Variants in COL21A1 observed in about 807,000 individuals in gnomAD.
COL21A1 encodes collagen type XXI alpha 1 chain.
COL21A1 carries 149 observed loss-of-function variants against 137.9 expected under a neutral mutation model. The ratio of observed to expected loss-of-function variants is 1.08; its 90% CI spans 0.95 to 1.24. COL21A1 has a LOEUF of 1.24. Among genes scored for constraint, COL21A1 ranks in the 50% most tolerant of loss-of-function variants. The pLI, the probability that COL21A1 is intolerant of heterozygous loss-of-function variation, is 0.00. For missense variants in COL21A1, 1,167 were observed against 1,158.4 expected, an observed-to-expected ratio of 1.01 and a Z score of -0.11; for synonymous variants, 456 against 391.5, an observed-to-expected ratio of 1.16 and a Z score of -1.95.
At chr6:56,100,677 C>T (rs1035436274) in intron 17 of COL21A1, among the ~76,000 whole-genome samples, 1 of 152,036 alleles carries the variant, frequency 6.6e-6, no homozygotes, top group African/African-American at 2.4e-5. Flanking sequence ...GAACTTGGCC[C>T]AGTACATAAT....
chr6:56,090,110 G>A (rs1470335520), intron 17 of COL21A1, among the ~76,000 whole-genome samples: 6 of 152,052 alleles, frequency 3.9e-5, no homozygotes, highest in Non-Finnish European at 1.5e-5. Flanking sequence ...ATGGTGGCAC[G>A]CGCCTGTAGT....
At chr6:56,080,442 A>G (rs1235625146) in intron 17 of COL21A1, among the ~76,000 whole-genome samples, 3 of 151,808 alleles carry the variant, frequency 2.0e-5, no homozygotes, top group Admixed American at 1.3e-4. Flanking sequence ...TGTACAACAA[A>G]CAAGTTGTTA....
In COL21A1 at chr6:56,320,856, A is replaced by G. The variant is rs200802166; in HGVS notation, c.-39+73115T>C. The stretch of plus-strand genomic sequence containing the variant: ...AAAGCAATTACATCTTCATCTCACT[A>G]TATACTTTTGATTTTTTTTATGACC... On this transcript the variant is annotated intron_variant, in intron 1 of 28. Transcript: ENST00000370819. Among the ~76,000 whole-genome samples the G allele has an allele frequency of 9.2e-5, 14 of 152,140 alleles. No individual in the cohort carries two copies. In the East Asian group the frequency reaches 2.3e-3, roughly 25 times the overall value.
chr6:56,196,994 T>C (rs1024419202), intron 1 of COL21A1, among the ~76,000 whole-genome samples: 1 of 152,032 alleles, frequency 6.6e-6, no homozygotes, highest in African/African-American at 2.4e-5. Context: ...TATAAAGCTA[T>C]AGTAATTAAA....
chr6:56,297,390 G>C (rs1764188038), intron 1 of COL21A1, among the ~76,000 whole-genome samples: 1 of 152,006 alleles, frequency 6.6e-6, no homozygotes, highest in Non-Finnish European at 1.5e-5. Flanking sequence ...TGAAACTTGA[G>C]GTTACTTGTC....
At chr6:56,241,831 G>A (rs1782345312) in intron 1 of COL21A1, among the ~76,000 whole-genome samples, 1 of 152,114 alleles carries the variant, frequency 6.6e-6, no homozygotes, top group African/African-American at 2.4e-5. Context: ...ATTTAAATTA[G>A]AAGCATTTTG....
chr6:56,182,512 C>A lies in COL21A1; in HGVS notation c.88+19G>T. On this transcript the variant is annotated intron_variant, in intron 2 of 29. Transcript: ENST00000244728. ...TTAATTTGTTGATAACAAAAAAGGA[C>A]AATGCTGATAGTTCTTACTTGATCT... 1 of 1,509,004 alleles carries A rather than the reference C, an allele frequency of 6.6e-7. No individual in the cohort carries two copies. Among genetic ancestry groups the A allele is most frequent in the Non-Finnish European group, 9.1e-7 (1 of 1,096,662 alleles). The allele number at this position is 1,509,004 out of a possible 1,614,324, so 93.5% of individuals were successfully genotyped here.
intron 17 of COL21A1, among the ~76,000 whole-genome samples, chr6:56,097,551 T>A (rs1769454016): frequency 6.6e-6 from 1 of 150,834 alleles, no homozygotes; most frequent in South Asian, 2.1e-4. Flanking sequence ...AAGAAGGAAA[T>A]GGTTAAAATC....
chr6:56,344,627 T>C (rs1043474253), intron 1 of COL21A1, among the ~76,000 whole-genome samples: 1 of 152,190 alleles, frequency 6.6e-6, no homozygotes, highest in African/African-American at 2.4e-5. Context: ...ATTTACCCCA[T>C]ATTTCTGTCC....
intron 1 of COL21A1, among the ~76,000 whole-genome samples, chr6:56,256,966 C>T (rs1001348214): frequency 6.6e-6 from 1 of 151,960 alleles, no homozygotes; most frequent in African/African-American, 2.4e-5. Context: ...TAAATTTATA[C>T]AAAATCAGAT....
At chr6:56,067,243 T>C in intron 23 of COL21A1, 52 bp downstream of exon 23, 1 of 1,445,950 alleles carries the variant, frequency 6.9e-7, no homozygotes, top group Non-Finnish European at 9.6e-7. Context: ...AAGAACTTTT[T>C]AAAAGCTCTG....
intron 3 of COL21A1, among the ~76,000 whole-genome samples, chr6:56,174,530 A>G (rs1033283227): frequency 7.2e-5 from 11 of 152,086 alleles, no homozygotes; most frequent in African/African-American, 2.4e-4. Context: ...ACTATGAACG[A>G]CTATATATCA....
At chr6:56,086,738 G>C (rs1768285202) in intron 17 of COL21A1, among the ~76,000 whole-genome samples, 1 of 152,024 alleles carries the variant, frequency 6.6e-6, no homozygotes, top group African/African-American at 2.4e-5. Context: ...CCGATTTTTT[G>C]CTTTTCATTT....
intron 16 of COL21A1, among the ~76,000 whole-genome samples, chr6:56,110,255 C>CTTTTT (rs35299623): frequency 1.6e-5 from 2 of 121,914 alleles, no homozygotes; most frequent in African/African-American, 6.1e-5. Context: ...GCAGAAAAAG[C>CTTTTT]TTTTTTTTTT....
intron 17 of COL21A1, among the ~76,000 whole-genome samples, chr6:56,080,638 T>G (rs1316431680): frequency 6.6e-6 from 1 of 151,830 alleles, no homozygotes; most frequent in Non-Finnish European, 1.5e-5. Context: ...CAAATTTGCT[T>G]TTAAGTAATG....
chr6:56,206,697 AATATATAT>A (rs1204449084), intron 1 of COL21A1, among the ~76,000 whole-genome samples: 8 of 32,332 alleles, frequency 2.5e-4, no homozygotes, highest in African/African-American at 1.2e-3. Context: ...TAAATAAATA[AATATATAT>A]ATATATATAT....
intron 1 of COL21A1, among the ~76,000 whole-genome samples, chr6:56,269,496 A>C (rs951221320): frequency 6.6e-6 from 1 of 151,776 alleles, no homozygotes; most frequent in African/African-American, 2.4e-5. Flanking sequence ...TCTACTAAAA[A>C]TACAAAAAAT....
intron 18 of COL21A1, among the ~76,000 whole-genome samples, chr6:56,077,166 T>C (rs1272880541): frequency 6.6e-6 from 1 of 151,392 alleles, no homozygotes; most frequent in Admixed American, 6.6e-5. Flanking sequence ...TAAAGAAGTT[T>C]GTAATTAAAT....
chr6:56,194,892 T>C (rs1778923783), intron 1 of COL21A1, among the ~76,000 whole-genome samples: 3 of 152,184 alleles, frequency 2.0e-5, no homozygotes, highest in Admixed American at 2.0e-4. Flanking sequence ...AGGCAGGGCT[T>C]TTAAAAGGTG....
Sources: allele counts gnomAD v4.1 joint callset (sites outside exome capture counted in the v4.1 genomes callset), GRCh38; gene constraint gnomAD v4.1.1; transcripts MANE v1.5; gene names NCBI Gene and HGNC (gene_info 2026-07-23, HGNC 2026-07-21).